ANO4: variants seen among roughly 807,000 people sequenced by gnomAD.
The protein encoded by ANO4 is anoctamin 4.
ANO4 carries 69 observed loss-of-function variants against 141.9 expected under a neutral mutation model. The ratio of observed to expected loss-of-function variants is 0.49; its 90% CI spans 0.40 to 0.59. The LOEUF (loss-of-function observed/expected upper bound fraction) is 0.59, where lower values mean the gene tolerates loss of function less well. ANO4 is among the 20% of genes least tolerant of loss of function. The probability of loss-of-function intolerance (pLI) is 0.00; values close to 1 mark genes in which losing one functional copy is unlikely to be tolerated. For missense variants in ANO4, 894 were observed against 1,162.2 expected (o/e 0.77, Z 3.36); for synonymous variants, 350 against 394.3 (o/e 0.89, Z 1.33).
chr12:100,901,123 A>C (rs528743043), intron 1 of ANO4, among the ~76,000 whole-genome samples: 1 of 152,340 alleles, frequency 6.6e-6, no homozygotes, highest in Non-Finnish European at 1.5e-5. Context: ...ATCGATGAAA[A>C]AAAATTGGAA....
intron 1 of ANO4, among the ~76,000 whole-genome samples, chr12:100,863,433 G>A (rs1294787618): frequency 6.6e-6 from 1 of 152,144 alleles, no homozygotes; most frequent in African/African-American, 2.4e-5. Flanking sequence ...TAACTAGGAA[G>A]CCTCTCCTAA....
chr12:101,012,262 A>G (rs772821639), intron 8 of ANO4, among the ~76,000 whole-genome samples: 1 of 152,090 alleles, frequency 6.6e-6, no homozygotes, highest in Non-Finnish European at 1.5e-5. Context: ...AGGGGCAGAC[A>G]ACAAAAATGT....
chr12:100,895,315 G>A (rs570769284), intron 1 of ANO4, among the ~76,000 whole-genome samples: 4 of 152,096 alleles, frequency 2.6e-5, no homozygotes, highest in Admixed American at 1.3e-4. Flanking sequence ...TTGACAGAAC[G>A]ACAAATGTTC....
At chr12:101,023,668 AC>A (rs1205134431) in intron 9 of ANO4, among the ~76,000 whole-genome samples, 2 of 152,220 alleles carry the variant, frequency 1.3e-5, no homozygotes, top group Non-Finnish European at 2.9e-5. Context: ...GTCTGTCACA[AC>A]AAAGAAAAAG....
chr12:100,920,723 G>A lies in ANO4; in HGVS notation c.56-1503G>A, dbSNP rs11110584. Among the ~76,000 whole-genome samples the A allele has an allele frequency of 5.7e-3, 864 of 152,220 alleles. 7 individuals are homozygous for A. The highest frequency in any genetic ancestry group is 0.02 in the African/African-American group (840 of 41,534). On this transcript the variant is annotated intron_variant, in intron 2 of 27. Transcript: ENST00000392977. ...TAAATAGCAGTTCTTGACAGTGACCGAAATGCATACCTGGGGTCTCAAGGA... is the reference window on the plus strand; with the variant it reads ...TAAATAGCAGTTCTTGACAGTGACCAAAATGCATACCTGGGGTCTCAAGGA...
At chr12:100,955,472 C>T (rs899399442) in intron 5 of ANO4, among the ~76,000 whole-genome samples, 3 of 152,224 alleles carry the variant, frequency 2.0e-5, no homozygotes, top group East Asian at 1.9e-4. Context: ...TGAACTTTTA[C>T]GACCTAGCCC....
chr12:100,864,197 C>T (rs559723101), intron 1 of ANO4, among the ~76,000 whole-genome samples: 1 of 152,248 alleles, frequency 6.6e-6, no homozygotes, highest in African/African-American at 2.4e-5. Flanking sequence ...ACAGTGGCCA[C>T]AGGAATGCAA....
intron 1 of ANO4, among the ~76,000 whole-genome samples, chr12:100,872,880 C>T (rs1021235283): frequency 6.6e-6 from 1 of 152,146 alleles, no homozygotes; most frequent in Non-Finnish European, 1.5e-5. Flanking sequence ...GAATTGTAAT[C>T]CCAGTGTTGG....
At chr12:100,850,919 A>C (rs2037838901) in intron 1 of ANO4, among the ~76,000 whole-genome samples, 1 of 152,162 alleles carries the variant, frequency 6.6e-6, no homozygotes, top group Admixed American at 6.5e-5. Context: ...AATGATTTTA[A>C]TGAGATATTA....
chr12:100,816,943 A>AT (rs1217528170), intron 1 of ANO4, among the ~76,000 whole-genome samples: 3 of 150,856 alleles, frequency 2.0e-5, no homozygotes, highest in Non-Finnish European at 4.4e-5. Flanking sequence ...AGTAAATTTT[A>AT]TTTTTTTAAA....
At chr12:100,973,660 A>G (rs1052908853) in intron 6 of ANO4, among the ~76,000 whole-genome samples, 1 of 152,210 alleles carries the variant, frequency 6.6e-6, no homozygotes, top group Non-Finnish European at 1.5e-5. Context: ...AACATTTTGC[A>G]TTAGCGTGAT....
chr12:101,022,762 C>T lies in ANO4; in HGVS notation c.841+2622C>T, dbSNP rs749056809. Among the ~76,000 whole-genome samples the T allele has an allele frequency of 2.3e-4, 35 of 151,908 alleles. 1 individual carries two copies. The highest frequency in any genetic ancestry group is 1.2e-3 in the South Asian group (6 of 4,806). The stretch of plus-strand genomic sequence containing the variant: ...TATGACTCTTTTTTTTTTGTTGAGA[C>T]GGAGTCTCGGACTGTCACCCAGGCT... On this transcript the variant is annotated intron_variant, in intron 9 of 27. Transcript: ENST00000392977.
intron 1 of ANO4, chr12:100,842,121 T>C (rs1288466315): frequency 7.0e-6 from 1 of 142,208 alleles, no homozygotes; most frequent in African/African-American, 2.6e-5. Context: ...ATTTTCTGGC[T>C]CTGAGTATCT....
At chr12:100,930,316 C>G (rs976958493) in intron 3 of ANO4, among the ~76,000 whole-genome samples, 2 of 151,802 alleles carry the variant, frequency 1.3e-5, no homozygotes, top group African/African-American at 2.4e-5. Context: ...TAGTGTGAGG[C>G]CTTAGATTTA....
intron 9 of ANO4, among the ~76,000 whole-genome samples, chr12:101,027,729 C>T (rs1392549901): frequency 6.6e-6 from 1 of 152,162 alleles, no homozygotes; most frequent in Non-Finnish European, 1.5e-5. Context: ...GGCCTTATCC[C>T]CTAGTGGGAG....
chr12:100,879,053 A>T (rs1295667333), intron 1 of ANO4, among the ~76,000 whole-genome samples: 1 of 152,150 alleles, frequency 6.6e-6, no homozygotes, highest in Non-Finnish European at 1.5e-5. Flanking sequence ...ATATTGGGGT[A>T]CCTAATACAG....
At chr12:100,985,678 CTAGAGCCACTGTGAGA>C (rs2044677941) in intron 7 of ANO4, among the ~76,000 whole-genome samples, 1 of 152,068 alleles carries the variant, frequency 6.6e-6, no homozygotes, top group African/African-American at 2.4e-5. Flanking sequence ...GAGGAGGGTC[CTAGAGCCACTGTGAGA>C]TTCTTTTCAG....
rs200379112 is a variant in ANO4 at position 101,092,139 on chromosome 12, TA to T, written c.1702-2112del. ...CAAAGGCTATATCCCAGGAATAGAC[TA>T]AAAAGTTATTATCATCCTTTTTATC... On this transcript the variant is annotated intron_variant, in intron 17 of 27. Transcript: ENST00000392977. Among the ~76,000 whole-genome samples, 143 of 152,020 alleles carry T rather than the reference TA, an allele frequency of 9.4e-4. 2 individuals carry two copies. In the East Asian group the frequency reaches 0.02, roughly 21 times the overall value.
At chr12:100,736,655 A>T (rs1260771399) in intron 2 of ANO4, among the ~76,000 whole-genome samples, 2 of 152,306 alleles carry the variant, frequency 1.3e-5, no homozygotes, top group South Asian at 4.1e-4. Flanking sequence ...GTATTTGGAA[A>T]TAGGGTCTTT....
Sources: gnomAD v4.1 joint callset for allele counts (sites outside exome capture counted in the v4.1 genomes callset) on GRCh38, gnomAD v4.1.1 for gene constraint, MANE v1.5 for transcripts, NCBI Gene and HGNC (gene_info 2026-07-23, HGNC 2026-07-21) for gene names.